PUS7L: variants seen among roughly 807,000 people sequenced by gnomAD.
PUS7L encodes the protein pseudouridylate synthase PUS7L.
PUS7L carries 49 observed loss-of-function variants against 51.1 expected under a neutral mutation model. That is an observed-to-expected ratio of 0.96 (90% confidence interval 0.76 to 1.22). PUS7L has a LOEUF of 1.22. PUS7L is among the 50% of genes most tolerant of loss of function. The pLI is 0.00. For missense variants in PUS7L, 828 were observed against 820.6 expected (o/e 1.01, Z -0.11); for synonymous variants, 277 against 276.2 (o/e 1.00, Z -0.03).
Position 43,754,377 on chromosome 12 carries a change from CT to C in PUS7L, c.868del (p.Arg290GlyfsTer32). On this transcript the variant is annotated frameshift_variant, in exon 2 of 9. Transcript: ENST00000344862. LOFTEE classifies it high-confidence loss of function. ...TCCTTCTTGGCATTCAGAAAGAGGC[CT>C]TTTCCCACGTTTGTGTGCTTTTTCC... ...FREKAHKRGKRPLSECQEGKV... is the reference protein window; with the variant it reads ...FREKAHKRGKXPLSECQEGKV... The C allele has an allele frequency of 6.2e-7, 1 of 1,607,092 alleles. No individual in the cohort carries two copies. Among genetic ancestry groups the C allele is most frequent in the Non-Finnish European group, 8.5e-7 (1 of 1,177,724 alleles).
Position 43,736,452 on chromosome 12 carries a change from C to T in PUS7L, c.1654G>A (p.Ala552Thr). 1.9e-6 allele frequency: 3 copies of T among 1,614,160 alleles called. No homozygotes were observed. The highest frequency in any genetic ancestry group is 1.7e-6 in the Non-Finnish European group (2 of 1,180,010). Residue 552 changes from alanine to threonine, a missense_variant, in exon 7 of 9, where the codon GCA becomes ACA. Transcript: ENST00000344862. ...AVSYRLETYG[A>T]RVVQGDLVCL... ...ACCAAATCACCCTGCACTACTCTTG[C>T]TCCATAGGTTTCAAGTCTGTAAGAT...
chr12:43,745,066 T>C (rs1438725926), intron 4 of PUS7L, among the ~76,000 whole-genome samples: 6 of 152,168 alleles, frequency 3.9e-5, no homozygotes, highest in Admixed American at 1.3e-4. Flanking sequence ...TTATATATTG[T>C]CTGTGGCTGC....
chr12:43,745,721 T>C (rs989350615), intron 4 of PUS7L, among the ~76,000 whole-genome samples: 1 of 147,806 alleles, frequency 6.8e-6, no homozygotes. Flanking sequence ...TAAATTCCCC[T>C]GACTAAATAC....
At chr12:43,748,728 T>C in intron 2 of PUS7L, 119 bp from the exon 3 acceptor site, 1 of 880,668 alleles carries the variant, frequency 1.1e-6, no homozygotes, top group Non-Finnish European at 1.7e-6. Context: ...TTGTTGTTGT[T>C]GTTGTTGTTG....
At chr12:43,752,817 T>C (rs1435385164) in intron 2 of PUS7L, among the ~76,000 whole-genome samples, 1 of 152,176 alleles carries the variant, frequency 6.6e-6, no homozygotes, top group Non-Finnish European at 1.5e-5. Context: ...GTGAGGGATG[T>C]ACAACCATGT....
intron 8 of PUS7L, among the ~76,000 whole-genome samples, chr12:43,731,402 C>G (rs1004742164): frequency 1.3e-5 from 2 of 152,080 alleles, no homozygotes; most frequent in Non-Finnish European, 2.9e-5. Context: ...ACCATAGTGA[C>G]AGAAAACCGA....
Position 43,730,711 on chromosome 12 carries a change from GAA to G in PUS7L, c.1780-11_1780-10del. Reference sequence around the variant, plus strand: ...AGTACTGGAAGAACCACCTGTGAAAGAAAAGAGGGAAAAAATATGAAAATAGC... The same window carrying G: ...AGTACTGGAAGAACCACCTGTGAAAGAAGAGGGAAAAAATATGAAAATAGC... On this transcript the variant is annotated splice_polypyrimidine_tract_variant and intron_variant, in intron 8 of 8. Transcript: ENST00000344862. 1.3e-6 allele frequency: 2 copies of G among 1,545,800 alleles called. No homozygotes were observed. Among genetic ancestry groups the G allele is most frequent in the Non-Finnish European group, 1.8e-6 (2 of 1,132,124 alleles).
intron 1 of PUS7L, chr12:43,758,263 C>T: frequency 1.0e-6 from 1 of 959,930 alleles, no homozygotes; most frequent in Non-Finnish European, 1.2e-6. Flanking sequence ...ATTCCAGCAT[C>T]CTGGTAGAAG....
intron 8 of PUS7L, among the ~76,000 whole-genome samples, 161 bp from the exon 9 acceptor site, chr12:43,730,863 A>G (rs1056863171): frequency 2.0e-5 from 3 of 152,206 alleles, no homozygotes; most frequent in African/African-American, 7.2e-5. Context: ...ATATGCTATG[A>G]TATTTTTATG....
intron 4 of PUS7L, among the ~76,000 whole-genome samples, chr12:43,743,210 G>A (rs1023833498): frequency 2.0e-5 from 3 of 152,100 alleles, no homozygotes; most frequent in African/African-American, 4.8e-5. Context: ...CAGAAGAAAT[G>A]GAAAACTGTA....
rs1022257611 is a variant in PUS7L at position 43,751,104 on chromosome 12, C to T, written c.911-2495G>A. Reference sequence around the variant, plus strand: ...TCTGTGGATCAGGACTTCAAGAACTCTTTGGTTTGGTGGTTCCAGTTCAGG... The same window carrying T: ...TCTGTGGATCAGGACTTCAAGAACTTTTTGGTTTGGTGGTTCCAGTTCAGG... On this transcript the variant is annotated intron_variant, in intron 2 of 8. Coordinates refer to ENST00000344862, the MANE Select transcript of PUS7L (RefSeq NM_031292.5). Among the ~76,000 whole-genome samples the T allele has an allele frequency of 3.3e-5, 5 of 152,046 alleles. No homozygotes were observed. In the East Asian group the frequency reaches 7.7e-4, roughly 23 times the overall value.
chr12:43,748,974 G>A (rs772359980), intron 2 of PUS7L, among the ~76,000 whole-genome samples: 46 of 152,100 alleles, frequency 3.0e-4, no homozygotes, highest in African/African-American at 1.0e-3. Flanking sequence ...CACCTGCCTC[G>A]GCCTCCCAAA....
chr12:43,754,595 G>C lies in PUS7L; in HGVS notation c.651C>G (p.Asp217Glu), dbSNP rs1938604371. 1.2e-6 allele frequency: 2 copies of C among 1,611,034 alleles called. No homozygotes were observed. The highest frequency in any genetic ancestry group is 2.7e-5 in the African/African-American group (2 of 74,560). The change falls in exon 2 of 9, where the codon GAC becomes GAG. Residue 217 changes from aspartate to glutamate, a missense_variant. Asp to Glu is a conservative substitution (Grantham distance 45). Coordinates refer to ENST00000344862, the MANE Select transcript of PUS7L (RefSeq NM_031292.5). The stretch of plus-strand genomic sequence containing the variant: ...TCTTTGCATCCAAATATTTAAAAAA[G>C]TCAAATGCTTCCTCTTCAGATACCA... Reference protein sequence around the residue: ...CHLVSEEEAFDFFKYLDAKKE... With the variant: ...CHLVSEEEAFEFFKYLDAKKE...
At position 43,725,355 on chromosome 12, in the gene PUS7L, A is replaced by C. The variant is rs1305316987; in HGVS notation, c.*5021T>G. ...TCTTGTCTCTCCCAAGACATGCCCC[A>C]ATATGCCTATTAAATCAATGGCAAG... is the stretch of plus-strand genomic sequence containing the variant. On this transcript the variant is annotated 3_prime_UTR_variant, in exon 9 of 9. Coordinates refer to ENST00000344862, the MANE Select transcript of PUS7L (RefSeq NM_031292.5). 6.6e-6 allele frequency: 1 copy of C among 152,164 alleles called. No individual in the cohort carries two copies. The highest frequency in any genetic ancestry group is 2.4e-5 in the African/African-American group (1 of 41,434). 9.4% of individuals were successfully genotyped at this position (152,164 alleles called of 1,614,324 possible).
chr12:43,742,597 A>T, intron 4 of PUS7L, 42 bp from the exon 5 acceptor site: 1 of 1,508,282 alleles, frequency 6.6e-7, no homozygotes, highest in Non-Finnish European at 9.0e-7. Flanking sequence ...GTATATAAAT[A>T]CAATTATGTG....
intron 3 of PUS7L, among the ~76,000 whole-genome samples, chr12:43,747,749 G>A (rs1165909019): frequency 6.6e-6 from 1 of 152,160 alleles, no homozygotes; most frequent in Non-Finnish European, 1.5e-5. Flanking sequence ...TCTGAAAAAG[G>A]TCTAGAGAGA....
Position 43,755,100 on chromosome 12 carries a change from G to T in PUS7L, c.146C>A (p.Thr49Asn), listed in dbSNP as rs1471056873. 19 of 1,613,680 alleles carry T rather than the reference G, an allele frequency of 1.2e-5. No homozygotes were observed. The highest frequency in any genetic ancestry group is 1.6e-5 in the Non-Finnish European group (19 of 1,179,780). ...IDEQGQLVNK[T>N]IDEPIFKISE... Reference sequence around the variant, plus strand: ...AATCTTGAAAATAGGCTCATCGATGGTCTTATTAACTAACTGTCCCTGTTC... The same window carrying T: ...AATCTTGAAAATAGGCTCATCGATGTTCTTATTAACTAACTGTCCCTGTTC... Residue 49 changes from threonine to asparagine, a missense_variant, in exon 2 of 9, where the codon ACC becomes AAC. Physicochemically the swap from Thr to Asn is moderately conservative, Grantham distance 65. Transcript: ENST00000344862.
intron 5 of PUS7L, among the ~76,000 whole-genome samples, chr12:43,741,407 T>A (rs1431256832): frequency 1.3e-5 from 2 of 152,212 alleles, no homozygotes; most frequent in Non-Finnish European, 2.9e-5. Context: ...ATTTTACAGA[T>A]AAGGAAACTG....
chr12:43,757,301 G>C (rs143135293), intron 1 of PUS7L, among the ~76,000 whole-genome samples: 1 of 152,258 alleles, frequency 6.6e-6, no homozygotes, highest in Non-Finnish European at 1.5e-5. Context: ...CTCCCGAGTA[G>C]CTGGGACCAC....
Sources: allele counts gnomAD v4.1 joint callset (sites outside exome capture counted in the v4.1 genomes callset), GRCh38; gene constraint gnomAD v4.1.1; transcripts MANE v1.5; gene names NCBI Gene and HGNC (gene_info 2026-07-23, HGNC 2026-07-21).